The following ETFDH variants were observed in gnomAD, a reference collection of about 807,000 sequenced individuals.
ETFDH encodes the protein electron transfer flavoprotein-ubiquinone oxidoreductase, mitochondrial.
ETFDH carries 61 observed loss-of-function variants against 73.2 expected under a neutral mutation model. That is an observed-to-expected ratio of 0.83 (90% CI 0.68 to 1.03). ETFDH has a LOEUF of 1.03. Among genes scored for constraint, ETFDH ranks in the 50% least tolerant of loss-of-function variants. The pLI, the probability that ETFDH is intolerant of heterozygous loss-of-function variation, is 0.00. For synonymous variants in ETFDH, 243 were observed against 253.3 expected, an observed-to-expected ratio of 0.96 and a Z score of 0.39; for missense variants, 685 against 745.0, an observed-to-expected ratio of 0.92 and a Z score of 0.94.
intron 1 of ETFDH, among the ~76,000 whole-genome samples, chr4:158,673,443 G>A (rs1773632167): frequency 6.6e-6 from 1 of 152,178 alleles, no homozygotes; most frequent in Non-Finnish European, 1.5e-5. Flanking sequence ...AAACAGAAAA[G>A]TTCCCTAAAG....
In ETFDH at chr4:158,685,022, C is replaced by G. The variant is rs535767404; in HGVS notation, c.488-79C>G. On this transcript the variant is annotated intron_variant, in intron 4 of 12. Transcript: ENST00000511912. ...ACTTATGTAGAAATACATATTGATT[C>G]GAAATTTTAAAGTATTTATGTTTTT... 6 of 853,466 alleles carry G rather than the reference C, an allele frequency of 7.0e-6. 1 individual carries two copies. Among genetic ancestry groups the G allele is most frequent in the South Asian group, 2.9e-5 (2 of 69,528 alleles). 52.9% of individuals were successfully genotyped at this position (853,466 alleles called of 1,614,324 possible).
At chr4:158,688,889 G>A (rs369772965) in intron 5 of ETFDH, among the ~76,000 whole-genome samples, 28 of 152,014 alleles carry the variant, frequency 1.8e-4, no homozygotes, top group Non-Finnish European at 2.9e-4. Context: ...AAAATATCTC[G>A]TTTTTTTGTT....
intron 6 of ETFDH, among the ~76,000 whole-genome samples, chr4:158,692,458 GT>G (rs1774196052): frequency 6.7e-6 from 1 of 149,876 alleles, no homozygotes; most frequent in South Asian, 2.1e-4. Context: ...ACTCCTAGTG[GT>G]TTAACTGACC....
chr4:158,697,400 T>G (rs1774335451), intron 7 of ETFDH, among the ~76,000 whole-genome samples, 159 bp from the exon 8 acceptor site: 1 of 152,228 alleles, frequency 6.6e-6, no homozygotes, highest in African/African-American at 2.4e-5. Context: ...CAGCCTTCTT[T>G]GATATTTGAA....
intron 1 of ETFDH, among the ~76,000 whole-genome samples, chr4:158,677,449 T>C (rs1773738705): frequency 6.6e-6 from 1 of 152,222 alleles, no homozygotes; most frequent in South Asian, 2.1e-4. Context: ...TTGGACAAGC[T>C]TGCCTTAAAA....
chr4:158,694,450 T>A (rs1433348237), intron 6 of ETFDH, among the ~76,000 whole-genome samples: 1 of 151,880 alleles, frequency 6.6e-6, no homozygotes, highest in Non-Finnish European at 1.5e-5. Context: ...AAAAGTTAGC[T>A]GGGCTTGGTG....
intron 4 of ETFDH, 151 bp from the exon 5 acceptor site, chr4:158,684,950 G>A (rs1220754730): frequency 4.7e-6 from 3 of 637,438 alleles, no homozygotes; most frequent in South Asian, 3.9e-5. Context: ...TAGAACTCTA[G>A]ACCAAAATTG....
rs527817436 is a variant in ETFDH at position 158,683,672 on chromosome 4, G to A, written c.406-920G>A. On this transcript the variant is annotated intron_variant, in intron 3 of 12. Coordinates refer to ENST00000511912, the MANE Select transcript of ETFDH (RefSeq NM_004453.4). ...ATGGCTCTCTGCAGCCTCAACCTCC[G>A]GGGCTCAAGTAATCCTCCCACCTCA... Among the ~76,000 whole-genome samples, 26 of 152,008 alleles carry A rather than the reference G, an allele frequency of 1.7e-4. No individual in the cohort carries two copies. In the South Asian group the frequency reaches 2.9e-3, roughly 17 times the overall value.
intron 9 of ETFDH, among the ~76,000 whole-genome samples, chr4:158,699,553 G>C (rs560689974): frequency 6.6e-6 from 1 of 152,142 alleles, no homozygotes; most frequent in Non-Finnish European, 1.5e-5. Flanking sequence ...CTGAGCAGCA[G>C]AATAAGACTC....
chr4:158,708,291 C>CTTAA, intron 12 of ETFDH, 73 bp from the exon 13 acceptor site: 4 of 1,175,668 alleles, frequency 3.4e-6, no homozygotes, highest in African/African-American at 1.5e-5. Context: ...CTACTCTTTC[C>CTTAA]TTAATTTTTA....
chr4:158,695,547 A>G lies in ETFDH; in HGVS notation c.735A>G (p.Ala245=). Residue 245 remains alanine, a synonymous_variant, in exon 7 of 13, where the codon GCA becomes GCG. Transcript: ENST00000511912. ...TACATGCTAAAGTCACAATTTTTGC[A>G]GAAGGTTGCCATGGACATCTAGCCA... ...LELHAKVTIF[A]EGCHGHLAKQ... The G allele has an allele frequency of 6.2e-7, 1 of 1,613,272 alleles. No homozygotes were observed. Among genetic ancestry groups the G allele is most frequent in the Middle Eastern group, 1.7e-4 (1 of 6,058 alleles).
At chr4:158,682,148 A>T in intron 2 of ETFDH, 47 bp from the exon 3 acceptor site, 1 of 1,611,116 alleles carries the variant, frequency 6.2e-7, no homozygotes, top group Non-Finnish European at 8.5e-7. Context: ...GTGATTTATC[A>T]TGTGATTATT....
intron 10 of ETFDH, among the ~76,000 whole-genome samples, chr4:158,704,303 A>G (rs1418041283): frequency 6.6e-6 from 1 of 152,194 alleles, no homozygotes; most frequent in East Asian, 1.9e-4. Context: ...GTATAGGCCT[A>G]TGACTCTTCT....
chr4:158,701,947 G>T (rs1384005116), intron 9 of ETFDH, among the ~76,000 whole-genome samples: 1 of 151,990 alleles, frequency 6.6e-6, no homozygotes, highest in Admixed American at 6.6e-5. Flanking sequence ...TGTATACCAA[G>T]ATCCAAAGAA....
At chr4:158,697,760 T>G in intron 8 of ETFDH, 61 bp downstream of exon 8, 1 of 1,464,214 alleles carries the variant, frequency 6.8e-7, no homozygotes, top group Middle Eastern at 1.7e-4. Flanking sequence ...ATCAGTGTTA[T>G]AAAATAAGGG....
chr4:158,676,899 G>T (rs563671475), intron 1 of ETFDH, among the ~76,000 whole-genome samples: 2 of 152,044 alleles, frequency 1.3e-5, no homozygotes, highest in African/African-American at 4.8e-5. Context: ...TTTTTAATTG[G>T]ATTATTTGTC....
rs558005496 is a variant in ETFDH at position 158,706,254 on chromosome 4, G to C, written c.1351G>C (p.Val451Leu). 56 of 1,610,918 alleles carry C rather than the reference G, an allele frequency of 3.5e-5. No individual in the cohort carries two copies. Among genetic ancestry groups the C allele is most frequent in the Non-Finnish European group, 4.4e-5 (52 of 1,176,998 alleles). ...NSWVWKELYS[V>L]RNIRPSCHGV... ...ATGGGTATGGAAAGAGCTATATTCT[G>C]TTAGAAATATAAGACCGTCCTGCCA... The change falls in exon 11 of 13, where the codon GTT becomes CTT. Residue 451 changes from valine to leucine, a missense_variant. By Grantham distance (32) the Val-to-Leu change is conservative. Transcript: ENST00000511912.
chr4:158,690,121 A>C (rs1774124489), intron 5 of ETFDH, among the ~76,000 whole-genome samples: 1 of 151,994 alleles, frequency 6.6e-6, no homozygotes, highest in Admixed American at 6.6e-5. Context: ...TTTCTCATCA[A>C]GGTTGTGGCA....
chr4:158,695,902 G>C lies in ETFDH; in HGVS notation c.831+259G>C, dbSNP rs943780502. 7.2e-5 allele frequency among the ~76,000 whole-genome samples: 11 copies of C among 152,298 alleles called. No homozygotes were observed. In the South Asian group the frequency reaches 2.3e-3, roughly 32 times the overall value. On this transcript the variant is annotated intron_variant, in intron 7 of 12. Coordinates refer to ENST00000511912, the MANE Select transcript of ETFDH (RefSeq NM_004453.4). ...GTTGCTTGAAGTGAATCTTGAACTT[G>C]TGAATATTTGAATCTTTTTTATTTT...
Sources: gnomAD v4.1 joint callset for allele counts (sites outside exome capture counted in the v4.1 genomes callset) on GRCh38, gnomAD v4.1.1 for gene constraint, MANE v1.5 for transcripts, NCBI Gene and HGNC (gene_info 2026-07-23, HGNC 2026-07-21) for gene names.